The following SLC25A48 variants were observed in gnomAD, a reference collection of about 807,000 sequenced individuals.
SLC25A48 encodes solute carrier family 25 member 48, also known as CTC-321K16.1.
Under a neutral mutation model 32.2 loss-of-function variants are expected in SLC25A48, and 29 were observed. The observed-to-expected ratio is 0.90, with a 90% CI of 0.67 to 1.23. The LOEUF is 1.23. Ranked by LOEUF, SLC25A48 falls within the 50% of genes most tolerant of loss-of-function variation. The pLI, the probability that SLC25A48 is intolerant of heterozygous loss-of-function variation, is 0.00. For synonymous variants in SLC25A48, 164 were observed against 172.3 expected (o/e 0.95, Z 0.38); for missense variants, 399 against 422.7 (o/e 0.94, Z 0.49).
chr5:135,721,373 T>C (rs1039737795), intron 3 of SLC25A48, among the ~76,000 whole-genome samples: 1 of 151,674 alleles, frequency 6.6e-6, no homozygotes, highest in Non-Finnish European at 1.5e-5. Flanking sequence ...GGCTAATTTT[T>C]TGTATTTTTA....
intron 2 of SLC25A48, among the ~76,000 whole-genome samples, chr5:135,845,542 A>G (rs546199414): frequency 6.6e-6 from 1 of 152,136 alleles, no homozygotes; most frequent in African/African-American, 2.4e-5. Context: ...AGGGCCAGGC[A>G]AGTCTGAATA....
At chr5:135,659,116 C>A (rs1284540663) in intron 3 of SLC25A48, among the ~76,000 whole-genome samples, 1 of 152,184 alleles carries the variant, frequency 6.6e-6, no homozygotes, top group African/African-American at 2.4e-5. Flanking sequence ...GCAAATTTTC[C>A]AAACTTTTAT....
chr5:135,632,078 G>A (rs1223789216), intron 2 of SLC25A48, among the ~76,000 whole-genome samples: 3 of 152,244 alleles, frequency 2.0e-5, no homozygotes. Context: ...TAACTTCAGT[G>A]TGACAACACA....
At chr5:135,676,084 A>C (rs1461820376) in intron 3 of SLC25A48, among the ~76,000 whole-genome samples, 1 of 151,896 alleles carries the variant, frequency 6.6e-6, no homozygotes, top group Non-Finnish European at 1.5e-5. Context: ...AATTTATTAC[A>C]TCTAAGAGTT....
At chr5:135,712,521 C>T (rs1754690931) in intron 3 of SLC25A48, among the ~76,000 whole-genome samples, 1 of 152,212 alleles carries the variant, frequency 6.6e-6, no homozygotes, top group Non-Finnish European at 1.5e-5. Flanking sequence ...AGAGATCAGT[C>T]TCCAGCAGGC....
chr5:135,845,426 A>G (rs961712349), intron 2 of SLC25A48, among the ~76,000 whole-genome samples: 1 of 152,192 alleles, frequency 6.6e-6, no homozygotes, highest in African/African-American at 2.4e-5. Flanking sequence ...CTCCTGAAAC[A>G]TGACATCCAG....
chr5:135,824,843 G>T (rs570844416), intron 4 of SLC25A48: 1 of 152,414 alleles, frequency 6.6e-6, no homozygotes, highest in East Asian at 1.9e-4. Context: ...ATAGAGGGTG[G>T]GGGGAGCAGC....
At chr5:135,829,638 A>G (rs764257417) in intron 4 of SLC25A48, among the ~76,000 whole-genome samples, 9 of 146,198 alleles carry the variant, frequency 6.2e-5, no homozygotes, top group Admixed American at 2.1e-4. Flanking sequence ...TGTTAGTACC[A>G]TCACACTGAT....
chr5:135,769,083 C>T (rs928534057), intron 3 of SLC25A48, among the ~76,000 whole-genome samples: 1 of 151,374 alleles, frequency 6.6e-6, no homozygotes, highest in Non-Finnish European at 1.5e-5. Flanking sequence ...GGGGTGTAAA[C>T]ACCTCTGAGA....
chr5:135,655,712 G>A (rs1753229783), intron 3 of SLC25A48, among the ~76,000 whole-genome samples: 1 of 152,216 alleles, frequency 6.6e-6, no homozygotes, highest in Admixed American at 6.5e-5. Context: ...CACAGGACTT[G>A]GTTTCCAGAG....
At chr5:135,865,879 C>T (rs1210638900) in intron 4 of SLC25A48, among the ~76,000 whole-genome samples, 1 of 152,162 alleles carries the variant, frequency 6.6e-6, no homozygotes, top group Non-Finnish European at 1.5e-5. Flanking sequence ...TGTAAGGAAG[C>T]TACTATGGAT....
At chr5:135,621,006 G>A (rs1201878547) in intron 1 of SLC25A48, among the ~76,000 whole-genome samples, 1 of 152,136 alleles carries the variant, frequency 6.6e-6, no homozygotes, top group East Asian at 1.9e-4. Flanking sequence ...TCTATTCAAA[G>A]TTTGATTATC....
intron 4 of SLC25A48, among the ~76,000 whole-genome samples, chr5:135,867,521 C>T (rs1457533750): frequency 6.6e-6 from 1 of 152,168 alleles, no homozygotes; most frequent in Non-Finnish European, 1.5e-5. Context: ...GGCTCTGCCA[C>T]CCCCACAAGC....
At chr5:135,647,917 T>C (rs994240117) in intron 3 of SLC25A48, among the ~76,000 whole-genome samples, 1 of 152,076 alleles carries the variant, frequency 6.6e-6, no homozygotes, top group Non-Finnish European at 1.5e-5. Flanking sequence ...TTTGTTTCAT[T>C]TCCTGCCTTG....
rs113642724 is a variant in SLC25A48 at position 135,584,131 on chromosome 5, G to T, written c.-849+4534G>T. ...GTATGTAGGGGGGCTCTGTTACTCAGATGGGTCACAGGGGGCACTGCAAGA... is the reference window on the plus strand; with the variant it reads ...GTATGTAGGGGGGCTCTGTTACTCATATGGGTCACAGGGGGCACTGCAAGA... On this transcript the variant is annotated intron_variant, in intron 1 of 10. Transcript: ENST00000646290. Among the ~76,000 whole-genome samples the T allele has an allele frequency of 8.4e-3, 1,278 of 152,354 alleles. 29 individuals are homozygous for T. Among genetic ancestry groups the T allele is most frequent in the African/African-American group, 0.029 (1,186 of 41,582 alleles).
In SLC25A48 at chr5:135,748,047, A is replaced by G. The variant is rs77731951; in HGVS notation, c.-520-64476A>G. On this transcript the variant is annotated intron_variant, in intron 3 of 10. Coordinates refer to the SLC25A48 transcript ENST00000646290. ...CCTGCCCCCTGCCATCTGGAGCCCA[A>G]TCTGGTCAGGAGAAGAAGAACAGAG... Among the ~76,000 whole-genome samples, 785 of 152,264 alleles carry G rather than the reference A, an allele frequency of 5.2e-3. 8 individuals are homozygous for G. The highest frequency in any genetic ancestry group is 0.018 in the African/African-American group (747 of 41,556).
chr5:135,849,056 T>C (rs7705245), intron 2 of SLC25A48, among the ~76,000 whole-genome samples: 118,895 of 152,208 alleles, frequency 0.78, 46,663 homozygotes, highest in Middle Eastern at 0.87. Context: ...ACTACATAAA[T>C]TAAAAATAAT....
chr5:135,726,540 G>A (rs1055003179), intron 3 of SLC25A48, among the ~76,000 whole-genome samples: 4 of 152,122 alleles, frequency 2.6e-5, no homozygotes, highest in South Asian at 2.1e-4. Flanking sequence ...GTCATTTCAC[G>A]AATGTTGCAT....
At chr5:135,830,363 G>A (rs547264426), upstream of SLC25A48, among the ~76,000 whole-genome samples, 3 of 152,320 alleles carry the variant, frequency 2.0e-5, no homozygotes, top group South Asian at 4.1e-4. Flanking sequence ...CCACCTAAGA[G>A]GAGATCGTCC....
Sources: allele counts gnomAD v4.1 joint callset (sites outside exome capture counted in the v4.1 genomes callset), GRCh38; gene constraint gnomAD v4.1.1; transcripts MANE v1.5; gene names NCBI Gene and HGNC (gene_info 2026-07-23, HGNC 2026-07-21).